Variants in NCKAP5 observed in about 807,000 individuals in gnomAD.
NCKAP5 encodes the protein NCK associated protein 5.
A neutral mutation model predicts 167.0 loss-of-function variants in NCKAP5; 92 were observed. That is an observed-to-expected ratio of 0.55 (90% CI 0.47 to 0.66). The LOEUF (loss-of-function observed/expected upper bound fraction) is 0.66, where lower values mean the gene tolerates loss of function less well. Ranked by LOEUF, NCKAP5 falls within the 30% of genes least tolerant of loss-of-function variation. The pLI is 0.00. For synonymous variants in NCKAP5, 891 were observed against 877.4 expected (o/e 1.02, Z -0.27); for missense variants, 2,378 against 2,315.0 (o/e 1.03, Z -0.56).
chr2:132,720,935 C>T (rs1397334928), intron 19 of NCKAP5, among the ~76,000 whole-genome samples: 1 of 151,608 alleles, frequency 6.6e-6, no homozygotes, highest in Non-Finnish European at 1.5e-5. Context: ...TGCTTGAACC[C>T]AGGAGGTGGA....
At chr2:133,022,714 C>G (rs2078568668) in intron 6 of NCKAP5, among the ~76,000 whole-genome samples, 1 of 152,204 alleles carries the variant, frequency 6.6e-6, no homozygotes, top group African/African-American at 2.4e-5. Flanking sequence ...GCTTCTAGAT[C>G]TCACTGGGTT....
chr2:133,443,454 T>C (rs891384282), intron 3 of NCKAP5, among the ~76,000 whole-genome samples: 1 of 152,204 alleles, frequency 6.6e-6, no homozygotes, highest in African/African-American at 2.4e-5. Flanking sequence ...GAGGTTCAGC[T>C]GCATTTTCTA....
At chr2:133,330,623 C>T (rs1682791576) in intron 3 of NCKAP5, among the ~76,000 whole-genome samples, 1 of 152,102 alleles carries the variant, frequency 6.6e-6, no homozygotes, top group Admixed American at 6.6e-5. Flanking sequence ...GGCACAGTGG[C>T]TCATGCCTAT....
chr2:132,931,067 C>T (rs1393256908), intron 8 of NCKAP5: 3 of 152,220 alleles, frequency 2.0e-5, no homozygotes, highest in East Asian at 1.9e-4. Flanking sequence ...AAATGTAATG[C>T]TTTCCATCCT....
intron 3 of NCKAP5, among the ~76,000 whole-genome samples, chr2:133,321,628 G>T (rs1237375860): frequency 6.6e-6 from 1 of 152,142 alleles, no homozygotes; most frequent in Non-Finnish European, 1.5e-5. Flanking sequence ...TTTTATAAAA[G>T]AAGAGAAAAG....
At chr2:133,385,338 T>C (rs925604591) in intron 3 of NCKAP5, among the ~76,000 whole-genome samples, 56 of 152,242 alleles carry the variant, frequency 3.7e-4, no homozygotes, top group Admixed American at 7.2e-4. Flanking sequence ...TGTTTATATG[T>C]TGGATTATGT....
intron 3 of NCKAP5, among the ~76,000 whole-genome samples, chr2:133,315,772 G>T (rs1681562832): frequency 6.6e-6 from 1 of 152,150 alleles, no homozygotes. Context: ...CCAATATAGT[G>T]GCCATTAGCG....
chr2:133,591,861 A>T, the NCKAP5 span, among the ~76,000 whole-genome samples: 4 of 152,190 alleles, frequency 2.6e-5, no homozygotes, highest in African/African-American at 4.8e-5. Context: ...CATGTTTATG[A>T]TATGAACTTT....
rs923525097 is a variant in NCKAP5 at position 133,190,878 on chromosome 2, A to G, written c.207+22838T>C. On this transcript the variant is annotated intron_variant, in intron 5 of 19. Transcript: ENST00000409261. ...AGGCATGGACAAGGACTTCATGACTAAAAAACCAAAAGCAATGGCAACAAA... is the reference window on the plus strand; with the variant it reads ...AGGCATGGACAAGGACTTCATGACTGAAAAACCAAAAGCAATGGCAACAAA... Among the ~76,000 whole-genome samples, 8 of 152,324 alleles carry G rather than the reference A, an allele frequency of 5.3e-5. No homozygotes were observed. In the South Asian group the frequency reaches 1.7e-3, roughly 32 times the overall value.
intron 3 of NCKAP5, among the ~76,000 whole-genome samples, chr2:133,316,383 A>G (rs758553602): frequency 5.3e-5 from 8 of 152,194 alleles, no homozygotes; most frequent in African/African-American, 1.2e-4. Flanking sequence ...TCTTTTAGGA[A>G]AACCTAGACT....
chr2:132,703,639 CA>C (rs1688085494), intron 19 of NCKAP5, among the ~76,000 whole-genome samples: 1 of 152,136 alleles, frequency 6.6e-6, no homozygotes, highest in African/African-American at 2.4e-5. Flanking sequence ...TGGGAGTGCA[CA>C]GAGGAGAGCA....
chr2:133,462,601 T>C (rs992586543), intron 3 of NCKAP5, among the ~76,000 whole-genome samples: 4 of 152,182 alleles, frequency 2.6e-5, no homozygotes, highest in African/African-American at 9.7e-5. Context: ...AGATGAGAAC[T>C]AGCAACGCAA....
intron 8 of NCKAP5, among the ~76,000 whole-genome samples, chr2:132,963,518 CT>C (rs2076577555): frequency 6.6e-6 from 1 of 152,152 alleles, no homozygotes; most frequent in African/African-American, 2.4e-5. Context: ...CTATGTACTC[CT>C]TTTAAAACAA....
chr2:132,677,240 A>C (rs1202339428), intron 19 of NCKAP5, among the ~76,000 whole-genome samples: 1 of 152,156 alleles, frequency 6.6e-6, no homozygotes, highest in Non-Finnish European at 1.5e-5. Context: ...ACTTGGGAAT[A>C]AAAGTAGGGC....
chr2:132,755,490 T>C (rs1483598616), intron 16 of NCKAP5, among the ~76,000 whole-genome samples: 2 of 152,128 alleles, frequency 1.3e-5, no homozygotes, highest in Middle Eastern at 3.2e-3. Context: ...TCTGCATCAT[T>C]CAGAAAGATT....
intron 3 of NCKAP5, among the ~76,000 whole-genome samples, chr2:133,330,529 C>A (rs200124687): frequency 6.6e-6 from 1 of 151,362 alleles, no homozygotes; most frequent in East Asian, 1.9e-4. Context: ...AAATAGTTTG[C>A]AAAACTCTTA....
rs138926556 is a variant in NCKAP5 at position 133,096,895 on chromosome 2, T to C, written c.341+33083A>G. 6.1e-3 allele frequency among the ~76,000 whole-genome samples: 926 copies of C among 152,316 alleles called. 20 individuals carry two copies. The highest frequency in any genetic ancestry group is 5.3e-3 in the Non-Finnish European group (359 of 68,024). The stretch of plus-strand genomic sequence containing the variant: ...GAACAGTACAATAATATTTAGAACA[T>C]GCTTATTAAGGGGTGACTTAATAAA... On this transcript the variant is annotated intron_variant, in intron 6 of 19. Coordinates refer to ENST00000409261, the MANE Select transcript of NCKAP5 (RefSeq NM_207363.3).
chr2:132,957,822 A>C (rs1021372809), intron 8 of NCKAP5, among the ~76,000 whole-genome samples: 1 of 152,218 alleles, frequency 6.6e-6, no homozygotes, highest in Non-Finnish European at 1.5e-5. Context: ...CCCAGAAGGA[A>C]GGAATGCTGC....
At chr2:133,473,352 A>C in intron 3 of NCKAP5, among the ~76,000 whole-genome samples, 1 of 152,152 alleles carries the variant, frequency 6.6e-6, no homozygotes, top group Non-Finnish European at 1.5e-5. Flanking sequence ...AAATTAATTA[A>C]TTTAGCTTTT....
Sources: allele counts gnomAD v4.1 joint callset (sites outside exome capture counted in the v4.1 genomes callset), GRCh38; gene constraint gnomAD v4.1.1; transcripts MANE v1.5; gene names NCBI Gene and HGNC (gene_info 2026-07-23, HGNC 2026-07-21).